MACROD2: variants seen among roughly 807,000 people sequenced by gnomAD.
The protein encoded by MACROD2 is mono-ADP ribosylhydrolase 2, also known as ADP-ribose glycohydrolase MACROD2.
MACROD2 carries 36 observed loss-of-function variants against 70.4 expected under a neutral mutation model. That is an observed-to-expected ratio of 0.51 (90% CI 0.39 to 0.68). The LOEUF (loss-of-function observed/expected upper bound fraction) is 0.68. MACROD2 is among the 30% of genes least tolerant of loss of function. MACROD2 has a pLI of 0.00. For missense variants in MACROD2, 496 were observed against 538.4 expected, an observed-to-expected ratio of 0.92 and a Z score of 0.78; for synonymous variants, 172 against 178.8, an observed-to-expected ratio of 0.96 and a Z score of 0.30.
intron 8 of MACROD2, among the ~76,000 whole-genome samples, chr20:15,772,417 G>T (rs971068103): frequency 6.6e-6 from 1 of 151,986 alleles, no homozygotes; most frequent in African/African-American, 2.4e-5. Flanking sequence ...GGCTATAGCA[G>T]AGCTAGGTTT....
At chr20:15,882,462 G>A (rs1242346900) in intron 9 of MACROD2, among the ~76,000 whole-genome samples, 1 of 152,044 alleles carries the variant, frequency 6.6e-6, no homozygotes. Context: ...TACATTCTCA[G>A]CTTTCTTTTC....
chr20:15,469,115 C>T (rs922328637), intron 7 of MACROD2, among the ~76,000 whole-genome samples: 7 of 152,136 alleles, frequency 4.6e-5, no homozygotes, highest in African/African-American at 1.2e-4. Flanking sequence ...CACTGACATA[C>T]GTTCTGTGAG....
chr20:15,049,762 A>C (rs1293917909), intron 5 of MACROD2, among the ~76,000 whole-genome samples: 1 of 152,062 alleles, frequency 6.6e-6, no homozygotes, highest in Non-Finnish European at 1.5e-5. Flanking sequence ...AGCCTGGCCA[A>C]CATGGTGAAA....
intron 5 of MACROD2, among the ~76,000 whole-genome samples, chr20:15,061,769 A>G (rs539213711): frequency 2.6e-5 from 4 of 152,326 alleles, no homozygotes; most frequent in African/African-American, 7.2e-5. Context: ...AAAGTGTACT[A>G]TGATACTAAA....
intron 3 of MACROD2, among the ~76,000 whole-genome samples, chr20:14,420,390 T>C (rs995924214): frequency 2.6e-5 from 4 of 152,152 alleles, no homozygotes; most frequent in African/African-American, 9.6e-5. Context: ...TGTTGTTTCT[T>C]ATTTTATTGA....
intron 4 of MACROD2, among the ~76,000 whole-genome samples, chr20:14,539,796 C>T (rs2423807): frequency 0.4 from 61,279 of 152,012 alleles, 12,938 homozygotes; most frequent in East Asian, 0.64. Flanking sequence ...TTAGGTCTTG[C>T]TTTGTACACA....
In MACROD2 at chr20:14,009,485, G is replaced by A. The variant is rs554823400; in HGVS notation, c.163+7081G>A. Reference sequence around the variant, plus strand: ...TCAAAGAACAACAGATGCTGGCGAGGTTATAGAGGAACACTGATACACTGT... The same window carrying A: ...TCAAAGAACAACAGATGCTGGCGAGATTATAGAGGAACACTGATACACTGT... On this transcript the variant is annotated intron_variant, in intron 2 of 17. Coordinates refer to ENST00000684519, the MANE Select transcript of MACROD2 (RefSeq NM_001351661.2). 6.6e-5 allele frequency among the ~76,000 whole-genome samples: 10 copies of A among 152,280 alleles called. No individual in the cohort carries two copies. The South Asian group carries it at 1.9e-3, about 28-fold the overall frequency.
chr20:14,327,538 A>G, intron 3 of MACROD2: 1 of 1,568,390 alleles, frequency 6.4e-7, no homozygotes, highest in Non-Finnish European at 8.6e-7. Context: ...TATACAAGGT[A>G]GCTTCCGTTA....
At chr20:14,428,820 C>T (rs1048942626) in intron 3 of MACROD2, among the ~76,000 whole-genome samples, 1 of 152,072 alleles carries the variant, frequency 6.6e-6, no homozygotes, top group Admixed American at 6.5e-5. Flanking sequence ...TGAATAAGAA[C>T]TTTCATTGAG....
intron 4 of MACROD2, among the ~76,000 whole-genome samples, chr20:14,554,004 T>C (rs1159805510): frequency 6.6e-6 from 1 of 152,168 alleles, no homozygotes; most frequent in African/African-American, 2.4e-5. Context: ...CTTTCTTGAA[T>C]GGGCCATTTC....
intron 5 of MACROD2, among the ~76,000 whole-genome samples, chr20:14,950,568 C>T (rs1439767635): frequency 6.6e-6 from 1 of 152,126 alleles, no homozygotes; most frequent in African/African-American, 2.4e-5. Flanking sequence ...TAGGCAAGCC[C>T]ACATTAGGTA....
At chr20:15,573,098 C>T (rs559822688) in intron 8 of MACROD2, among the ~76,000 whole-genome samples, 1 of 152,076 alleles carries the variant, frequency 6.6e-6, no homozygotes, top group African/African-American at 2.4e-5. Flanking sequence ...AAGAAATACC[C>T]CACCATCCTA....
chr20:15,447,685 A>C (rs73272918), intron 7 of MACROD2, among the ~76,000 whole-genome samples: 363 of 152,210 alleles, frequency 2.4e-3, no homozygotes, highest in African/African-American at 8.3e-3. Flanking sequence ...TTTCTATCCC[A>C]GTGTATTATC....
chr20:15,479,553 G>A (rs6043312), intron 7 of MACROD2, among the ~76,000 whole-genome samples: 3,443 of 152,130 alleles, frequency 0.023, 138 homozygotes, highest in African/African-American at 0.076. Context: ...GATTACAGGC[G>A]TGAGCCACCG....
intron 6 of MACROD2, among the ~76,000 whole-genome samples, chr20:15,382,463 A>G (rs1176513067): frequency 6.6e-6 from 1 of 152,196 alleles, no homozygotes; most frequent in Non-Finnish European, 1.5e-5. Context: ...AAATTGAAAA[A>G]TTTAAGAAAG....
At chr20:14,610,755 A>G (rs1600452768) in intron 4 of MACROD2, among the ~76,000 whole-genome samples, 1 of 152,136 alleles carries the variant, frequency 6.6e-6, no homozygotes, top group Non-Finnish European at 1.5e-5. Context: ...GTGAAAGCAT[A>G]CATCAATAAT....
chr20:15,392,877 AT>A (rs1458197309), intron 6 of MACROD2, among the ~76,000 whole-genome samples: 3 of 151,836 alleles, frequency 2.0e-5, no homozygotes, highest in Admixed American at 2.0e-4. Context: ...AAAAGAGGAA[AT>A]TGTACAGTGT....
chr20:14,198,612 T>G (rs552960174), intron 3 of MACROD2, among the ~76,000 whole-genome samples: 1 of 152,338 alleles, frequency 6.6e-6, no homozygotes, highest in South Asian at 2.1e-4. Flanking sequence ...TTTGTTCGCA[T>G]ATATTATGTA....
chr20:14,252,822 A>C (rs2082023578), intron 3 of MACROD2, among the ~76,000 whole-genome samples: 1 of 152,032 alleles, frequency 6.6e-6, no homozygotes, highest in Admixed American at 6.6e-5. Flanking sequence ...CAGCTTTTAA[A>C]GCTACATTTT....
Sources: allele counts gnomAD v4.1 joint callset (sites outside exome capture counted in the v4.1 genomes callset), GRCh38; gene constraint gnomAD v4.1.1; transcripts MANE v1.5; gene names NCBI Gene and HGNC (gene_info 2026-07-23, HGNC 2026-07-21).